Variants in FYCO1 observed in about 807,000 individuals in gnomAD.
FYCO1 encodes FYVE and coiled-coil domain-containing protein 1.
A neutral mutation model predicts 165.1 loss-of-function variants in FYCO1; 122 were observed. The ratio of observed to expected loss-of-function variants is 0.74; its 90% CI spans 0.64 to 0.86. The LOEUF (loss-of-function observed/expected upper bound fraction) is 0.86, where lower values mean the gene tolerates loss of function less well. FYCO1 is among the 40% of genes least tolerant of loss of function. The probability of loss-of-function intolerance (pLI) is 0.00; values close to 1 mark genes in which losing one functional copy is unlikely to be tolerated. For missense variants in FYCO1, 1,702 were observed against 1,810.3 expected (o/e 0.94, Z 1.09); for synonymous variants, 648 against 742.5 (o/e 0.87, Z 2.07).
Position 45,966,441 on chromosome 3 carries a change from G to C in FYCO1, c.2893C>G (p.Leu965Val). Residue 965 changes from leucine to valine, a missense_variant, in exon 8 of 18, where the codon CTG becomes GTG. By Grantham distance (32) the Leu-to-Val change is conservative. Coordinates refer to ENST00000296137, the MANE Select transcript of FYCO1 (RefSeq NM_024513.4). Reference protein sequence around the residue: ...QQEKESLQEKLKAAKAAAGSL... With the variant: ...QQEKESLQEKVKAAKAAAGSL... ...CCGGCTGCTGCCTTGGCCGCCTTCAGCTTCTCCTGCAAGCTCTCCTTCTCT... is the reference window on the plus strand; with the variant it reads ...CCGGCTGCTGCCTTGGCCGCCTTCACCTTCTCCTGCAAGCTCTCCTTCTCT... The C allele has an allele frequency of 1.9e-6, 3 of 1,612,574 alleles. No homozygotes were observed. The highest frequency in any genetic ancestry group is 2.5e-6 in the Non-Finnish European group (3 of 1,178,818).
chr3:45,936,408 G>T, intron 15 of FYCO1, 40 bp downstream of exon 15: 3 of 1,456,134 alleles, frequency 2.1e-6, no homozygotes, highest in Non-Finnish European at 2.9e-6. Flanking sequence ...TCCTCCCAAT[G>T]CCACACCTGG....
chr3:45,924,445 G>C (rs1703226818), intron 16 of FYCO1, among the ~76,000 whole-genome samples: 4 of 152,072 alleles, frequency 2.6e-5, no homozygotes, highest in Admixed American at 2.6e-4. Flanking sequence ...GACAAAATCT[G>C]TGCAAAGGGT....
intron 14 of FYCO1, among the ~76,000 whole-genome samples, chr3:45,940,332 A>C (rs1252877165): frequency 1.3e-5 from 2 of 152,206 alleles, no homozygotes; most frequent in African/African-American, 2.4e-5. Context: ...GCTGGTAATC[A>C]GCAGCTTCCT....
In FYCO1 at chr3:45,968,353, T is replaced by G. The variant is rs750498308; in HGVS notation, c.981A>C (p.Ala327=). The G allele has an allele frequency of 8.7e-6, 14 of 1,613,544 alleles. No individual in the cohort carries two copies. The highest frequency in any genetic ancestry group is 1.2e-5 in the Non-Finnish European group (14 of 1,179,994). ...TCLQGLELGA[A]EKEEDYHTAL... is the part of the protein sequence containing the mutation. The stretch of plus-strand genomic sequence containing the variant: ...CTGTGTGGTAGTCCTCCTCCTTCTC[T>G]GCTGCTCCTAGCTCCAGGCCCTGCA... Residue 327 remains alanine (A), a synonymous_variant, in exon 8 of 18, where the codon GCA becomes GCC. Transcript: ENST00000296137.
At chr3:45,935,271 C>T (rs1703832969) in intron 15 of FYCO1, among the ~76,000 whole-genome samples, 1 of 152,226 alleles carries the variant, frequency 6.6e-6, no homozygotes. Context: ...CCTCCATCAT[C>T]TATTCTCTAC....
intron 6 of FYCO1, 30 bp from the exon 7 acceptor site, chr3:45,969,795 A>T (rs898271569): frequency 6.3e-7 from 1 of 1,592,708 alleles, no homozygotes; most frequent in Non-Finnish European, 8.6e-7. Context: ...ACATACCTGT[A>T]TTCAGAGCAG....
rs35855315 is a variant in FYCO1, at chr3:45,964,747, A to G, written c.3150+286T>C. Among the ~76,000 whole-genome samples the G allele has an allele frequency of 0.093, 14,220 of 152,186 alleles. 1,026 individuals are homozygous for G. The highest frequency in any genetic ancestry group is 0.34 in the South Asian group (1,644 of 4,814). ...CAAGTCACTGCTCTGAAGACTGTGGATCCAGTGCCACCCCTGCTCCCACCC... is the reference window on the plus strand; with the variant it reads ...CAAGTCACTGCTCTGAAGACTGTGGGTCCAGTGCCACCCCTGCTCCCACCC... On this transcript the variant is annotated intron_variant, in intron 9 of 17. Transcript: ENST00000296137. This position sits in a 1 kb window ranked among gnomAD's most constrained non-coding sequence, Gnocchi z 4.1.
intron 5 of FYCO1, among the ~76,000 whole-genome samples, chr3:45,973,831 G>A (rs1414713137): frequency 2.0e-5 from 3 of 152,184 alleles, no homozygotes; most frequent in Non-Finnish European, 2.9e-5. Flanking sequence ...GCTGAGGCAG[G>A]AGGATAGCTT....
At chr3:45,927,496 A>T (rs527509928) in intron 16 of FYCO1, among the ~76,000 whole-genome samples, 2 of 152,330 alleles carry the variant, frequency 1.3e-5, no homozygotes, top group South Asian at 4.1e-4. Context: ...CTAACACAAC[A>T]GTGTGCTTGC....
chr3:45,944,052 C>T (rs1313370920), intron 14 of FYCO1, among the ~76,000 whole-genome samples: 2 of 151,938 alleles, frequency 1.3e-5, no homozygotes, highest in Admixed American at 1.3e-4. Context: ...TCATTTTTTC[C>T]AGGTTTCTAA....
chr3:45,962,345 T>A lies in FYCO1; in HGVS notation c.3317A>T (p.Tyr1106Phe), dbSNP rs746418558. The A allele has an allele frequency of 6.2e-7, 1 of 1,614,152 alleles. No homozygotes were observed. The highest frequency in any genetic ancestry group is 1.1e-5 in the South Asian group (1 of 91,082). ...TGTCACCTCCTGGCAGAGTTTGTTG[T>A]AATACTCTTGGATTTTTGTTGTGGC... ...EKATTKIQEY[Y>F]NKLCQEVTNR... is the part of the protein sequence containing the mutation. Residue 1106 changes from tyrosine to phenylalanine, a missense_variant, in exon 11 of 18, where the codon TAC (tyrosine) becomes TTC (phenylalanine). Transcript: ENST00000296137. This position sits in a 1 kb window ranked among gnomAD's most constrained non-coding sequence, Gnocchi z 4.4.
At chr3:45,923,858 T>C (rs990808202) in intron 16 of FYCO1, 93 bp from the exon 17 acceptor site, 41 of 845,888 alleles carry the variant, frequency 4.8e-5, no homozygotes, top group African/African-American at 4.5e-4. Flanking sequence ...GGTAGGAGGC[T>C]GAGTGTGTTG....
At chr3:45,963,700 G>C (rs947325768) in intron 10 of FYCO1, among the ~76,000 whole-genome samples, 1 of 152,208 alleles carries the variant, frequency 6.6e-6, no homozygotes, top group African/African-American at 2.4e-5. Flanking sequence ...ATCAGGTCCT[G>C]GCTCAACTAG....
intron 14 of FYCO1, chr3:45,946,544 G>A: frequency 1.2e-6 from 2 of 1,614,194 alleles, no homozygotes; most frequent in Admixed American, 1.7e-5. Context: ...GCAGCCAGGA[G>A]GAGCATCAAG....
chr3:45,970,005 T>G (rs368565811), intron 6 of FYCO1, among the ~76,000 whole-genome samples: 2 of 152,228 alleles, frequency 1.3e-5, no homozygotes, highest in East Asian at 3.8e-4. Context: ...AAGAATTAAG[T>G]GAACATGTAT....
chr3:45,918,364 A>C lies in FYCO1; in HGVS notation c.*3401T>G, dbSNP rs544601594. The C allele has an allele frequency of 6.6e-6, 1 of 152,340 alleles. No individual in the cohort carries two copies. Among genetic ancestry groups the C allele is most frequent in the South Asian group, 2.1e-4 (1 of 4,826 alleles). 9.4% of individuals were successfully genotyped at this position (152,340 alleles called of 1,614,324 possible). A position where few individuals can be genotyped will look rare whatever the true frequency, so the allele number is the denominator to read the frequency against. On this transcript the variant is annotated 3_prime_UTR_variant, in exon 18 of 18. Coordinates refer to ENST00000296137, the MANE Select transcript of FYCO1 (RefSeq NM_024513.4). ...TCTCCTGTTTCCTTGGAAGAAACAT[A>C]ATGAAATGAGAAGAACTTACTAAAG... is the stretch of plus-strand genomic sequence containing the variant.
Position 45,967,156 on chromosome 3 carries a change from C to A in FYCO1, c.2178G>T (p.Arg726=), listed in dbSNP as rs1320153054. ...TCTCGAGAGCCCTAAGCTCTCTGTG[C>A]CGGGCTTCTGCCAGTTGCTGGCACT... The part of the protein sequence containing the change: ...VEQCQQLAEA[R]HRELRALESQ... The change falls in exon 8 of 18, where the codon CGG becomes CGT. Residue 726 remains arginine (R), a synonymous_variant. Transcript: ENST00000296137. 2 of 1,613,194 alleles carry A rather than the reference C, an allele frequency of 1.2e-6. No individual in the cohort carries two copies.
chr3:45,966,183 C>T, intron 8 of FYCO1, 94 bp downstream of exon 8: 1 of 1,341,246 alleles, frequency 7.5e-7, no homozygotes, highest in South Asian at 1.2e-5. Context: ...CTCCAGCCCT[C>T]ACCTGCCTCA....
At chr3:45,975,459 T>A in intron 4 of FYCO1, 114 bp from the exon 5 acceptor site, 1 of 742,844 alleles carries the variant, frequency 1.3e-6, no homozygotes, top group African/African-American at 1.7e-5. Flanking sequence ...TGTCACCCAA[T>A]TTTACCCTAT....
Sources: gnomAD v4.1 joint callset for allele counts (sites outside exome capture counted in the v4.1 genomes callset) on GRCh38, gnomAD v4.1.1 for gene constraint, Gnocchi (gnomAD v3.1) non-coding constraint, MANE v1.5 for transcripts, NCBI Gene and HGNC (gene_info 2026-07-23, HGNC 2026-07-21) for gene names.